Variants in WASHC2A observed in about 807,000 individuals in gnomAD.
The protein encoded by WASHC2A is WASH complex subunit FAM21A.
A neutral mutation model predicts 140.3 loss-of-function variants in WASHC2A; 82 were observed. The ratio of observed to expected loss-of-function variants is 0.58; its 90% CI spans 0.49 to 0.70. The LOEUF (loss-of-function observed/expected upper bound fraction) is 0.70. Ranked by LOEUF, WASHC2A falls within the 30% of genes least tolerant of loss-of-function variation. The pLI, the probability that WASHC2A is intolerant of heterozygous loss-of-function variation, is 0.00. For synonymous variants in WASHC2A, 340 were observed against 560.8 expected, an observed-to-expected ratio of 0.61 and a Z score of 5.56; for missense variants, 985 against 1,521.8, an observed-to-expected ratio of 0.65 and a Z score of 5.87.
intron 3 of WASHC2A, among the ~76,000 whole-genome samples, chr10:50,074,920 A>T (rs1205462265): frequency 7.1e-6 from 1 of 141,528 alleles, no homozygotes; most frequent in East Asian, 1.9e-4. Context: ...CGTCTCAAAA[A>T]AATAATAATA....
chr10:50,084,757 C>T (rs532088284), intron 6 of WASHC2A, among the ~76,000 whole-genome samples: 219 of 126,328 alleles, frequency 1.7e-3, no homozygotes, highest in African/African-American at 6.5e-3. Flanking sequence ...CTTTTTGAGC[C>T]GGAGTTTCTC....
At position 50,093,913 on chromosome 10, in the gene WASHC2A, G is replaced by T. The variant is rs1554883811; in HGVS notation, c.1176G>T (p.Lys392Asn). Residue 392 changes from lysine (K) to asparagine (N), a missense_variant, in exon 13 of 31, where the codon AAG (lysine) becomes AAT (asparagine). Coordinates refer to ENST00000282633, the MANE Select transcript of WASHC2A (RefSeq NM_001005751.3). ...PQDRQAGASV[K>N]EESSSSKPGK... ...ATCGGCAAGCTGGAGCCTCTGTTAA[G>T]GAGGGTAAGCTGGGGCTGGGCAGCT... 6.2e-7 allele frequency: 1 copy of T among 1,603,696 alleles called. No individual in the cohort carries two copies. Among genetic ancestry groups the T allele is most frequent in the East Asian group, 2.2e-5 (1 of 44,860 alleles).
At chr10:50,089,995 A>G (rs1312931286) in intron 8 of WASHC2A, among the ~76,000 whole-genome samples, 1 of 151,374 alleles carries the variant, frequency 6.6e-6, no homozygotes, top group African/African-American at 2.4e-5. Flanking sequence ...CTGTAATCCT[A>G]GCTACTCAGA....
At chr10:50,097,360 A>G (rs1358071886) in intron 15 of WASHC2A, among the ~76,000 whole-genome samples, 1 of 151,336 alleles carries the variant, frequency 6.6e-6, no homozygotes, top group Non-Finnish European at 1.5e-5. Flanking sequence ...CTCTTAAATG[A>G]TCTTTCTTCC....
intron 3 of WASHC2A, among the ~76,000 whole-genome samples, chr10:50,075,563 C>G (rs1209847087): frequency 2.0e-5 from 3 of 151,212 alleles, no homozygotes; most frequent in African/African-American, 7.3e-5. Context: ...GTGTTCGCCA[C>G]CATGCCTGGC....
intron 10 of WASHC2A, 95 bp downstream of exon 10, chr10:50,091,613 T>A (rs1479161018): frequency 8.7e-6 from 9 of 1,039,926 alleles, no homozygotes; most frequent in Non-Finnish European, 1.3e-5. Context: ...TTATTAGTAA[T>A]TACTACATAT....
At chr10:50,124,211 C>G (rs1402361176) in intron 23 of WASHC2A, among the ~76,000 whole-genome samples, 1 of 151,998 alleles carries the variant, frequency 6.6e-6, no homozygotes, top group Admixed American at 6.6e-5. Context: ...TTCAAGGATT[C>G]TCCCACCTCA....
At chr10:50,124,930 A>G (rs1186614686) in intron 23 of WASHC2A, among the ~76,000 whole-genome samples, 183 bp from the exon 24 acceptor site, 2 of 150,600 alleles carry the variant, frequency 1.3e-5, no homozygotes, top group Non-Finnish European at 3.0e-5. Context: ...TGGAAGCGCC[A>G]TAGCATTCCA....
At chr10:50,103,437 G>A (rs1841425556) in intron 17 of WASHC2A, among the ~76,000 whole-genome samples, 1 of 152,098 alleles carries the variant, frequency 6.6e-6, no homozygotes, top group Non-Finnish European at 1.5e-5. Context: ...GCAGGCGCCT[G>A]TAGTCTCAGC....
At chr10:50,127,305 C>A (rs1843519247) in intron 27 of WASHC2A, 83 bp downstream of exon 27, 1 of 1,609,362 alleles carries the variant, frequency 6.2e-7, no homozygotes, top group Middle Eastern at 2.3e-4. Context: ...TCAGCTGCTG[C>A]CAAGCATCTT....
intron 3 of WASHC2A, among the ~76,000 whole-genome samples, chr10:50,070,018 A>G (rs1331669231): frequency 2.0e-5 from 3 of 152,244 alleles, no homozygotes; most frequent in African/African-American, 7.2e-5. Flanking sequence ...TTGTGGCGTG[A>G]TCTGTAAGGA....
Position 50,069,611 on chromosome 10 carries a change from A to T in WASHC2A, c.191A>T (p.Gln64Leu), listed in dbSNP as rs2132295663. Residue 64 changes from glutamine (Q) to leucine (L), a missense_variant, in exon 3 of 31, where the codon CAA becomes CTA. Coordinates refer to ENST00000282633, the MANE Select transcript of WASHC2A (RefSeq NM_001005751.3). ...TCTAGGACCCATGAAATCAAGAAACAAGTGGACGGACTAATTCGGGAAACC... is the reference window on the plus strand; with the variant it reads ...TCTAGGACCCATGAAATCAAGAAACTAGTGGACGGACTAATTCGGGAAACC... ...TISRTHEIKKQVDGLIRETKA... is the reference protein window; with the variant it reads ...TISRTHEIKKLVDGLIRETKA... The T allele has an allele frequency of 2.5e-6, 4 of 1,613,978 alleles. No individual in the cohort carries two copies. The highest frequency in any genetic ancestry group is 3.4e-6 in the Non-Finnish European group (4 of 1,179,866).
At chr10:50,074,300 C>T (rs1463249230) in intron 3 of WASHC2A, among the ~76,000 whole-genome samples, 18 of 133,536 alleles carry the variant, frequency 1.3e-4, no homozygotes, top group Admixed American at 1.3e-3. Flanking sequence ...GATGCATAGT[C>T]CTGCTCACCC....
intron 28 of WASHC2A, among the ~76,000 whole-genome samples, chr10:50,128,598 C>G (rs1843655185): frequency 6.6e-6 from 1 of 152,222 alleles, no homozygotes. Flanking sequence ...TCAAATGTTT[C>G]CAAACCTGTT....
At chr10:50,118,086 A>T (rs1423211667) in intron 22 of WASHC2A, 28 bp downstream of exon 22, 2 of 1,604,732 alleles carry the variant, frequency 1.2e-6, no homozygotes, top group East Asian at 4.5e-5. Context: ...GTATACTTGA[A>T]TGCATTTGTC....
At position 50,125,668 on chromosome 10, in the gene WASHC2A, A is replaced by C. The variant is rs1327233528; in HGVS notation, c.2688+219A>C. On this transcript the variant is annotated intron_variant, in intron 25 of 30. Transcript: ENST00000282633. The stretch of plus-strand genomic sequence containing the variant: ...TTCCCTATACTAACATTAAAACATT[A>C]ATAATCCAGGCTCTCTGACTGTACT... 2.6e-5 allele frequency among the ~76,000 whole-genome samples: 4 copies of C among 152,210 alleles called. No individual in the cohort carries two copies. The East Asian group carries it at 5.8e-4, about 22-fold the overall frequency.
At chr10:50,081,090 G>C (rs1191534025) in intron 5 of WASHC2A, among the ~76,000 whole-genome samples, 159 bp downstream of exon 5, 2 of 150,872 alleles carry the variant, frequency 1.3e-5, no homozygotes, top group African/African-American at 4.9e-5. Context: ...CTTTACCTGA[G>C]CACTGATGGA....
At chr10:50,104,473 C>T (rs1380600508) in intron 18 of WASHC2A, among the ~76,000 whole-genome samples, 2 of 151,482 alleles carry the variant, frequency 1.3e-5, no homozygotes, top group Non-Finnish European at 2.9e-5. Flanking sequence ...TCTCCTGCCT[C>T]GACCTCCCAA....
intron 3 of WASHC2A, among the ~76,000 whole-genome samples, chr10:50,075,897 T>C (rs1838268625): frequency 6.6e-6 from 1 of 151,956 alleles, no homozygotes; most frequent in South Asian, 2.1e-4. Context: ...TGTGTGAATT[T>C]GAGGATTATC....
Sources: gnomAD v4.1 joint callset for allele counts (sites outside exome capture counted in the v4.1 genomes callset) on GRCh38, gnomAD v4.1.1 for gene constraint, MANE v1.5 for transcripts, NCBI Gene and HGNC (gene_info 2026-07-23, HGNC 2026-07-21) for gene names.